Variants in RELL1 observed in about 807,000 individuals in gnomAD.
RELL1 encodes the protein RELT-like protein 1.
A neutral mutation model predicts 23.0 loss-of-function variants in RELL1; 10 were observed. The observed-to-expected ratio is 0.43, with a 90% CI of 0.27 to 0.74. RELL1 has a LOEUF of 0.74. RELL1 is among the 30% of genes least tolerant of loss of function. The pLI is 0.19. For synonymous variants in RELL1, 146 were observed against 146.8 expected, an observed-to-expected ratio of 0.99 and a Z score of 0.04; for missense variants, 315 against 364.4, an observed-to-expected ratio of 0.86 and a Z score of 1.10.
intron 6 of RELL1, among the ~76,000 whole-genome samples, chr4:37,598,078 AATATAT>A (rs138367525): frequency 2.4e-5 from 3 of 126,740 alleles, no homozygotes; most frequent in African/African-American, 5.8e-5. Context: ...TATATATCAT[AATATAT>A]ATATATATAT....
chr4:37,610,054 A>T (rs1719327840), downstream of RELL1, among the ~76,000 whole-genome samples: 2 of 152,188 alleles, frequency 1.3e-5, no homozygotes, highest in African/African-American at 4.8e-5. The surrounding 1 kb of genome is among the most constrained non-coding windows in gnomAD (Gnocchi z 4.1). Context: ...TGCTATAGAG[A>T]AAACTTTCAT....
chr4:37,590,155 G>T, downstream of RELL1: 1 of 1,614,206 alleles, frequency 6.2e-7, no homozygotes, highest in Non-Finnish European at 8.5e-7. Flanking sequence ...CTGCAAGCTA[G>T]ATGAAGACGA....
At chr4:37,669,827 C>G (rs371910333) in intron 1 of RELL1, among the ~76,000 whole-genome samples, 3 of 151,566 alleles carry the variant, frequency 2.0e-5, no homozygotes, top group Admixed American at 1.3e-4. Flanking sequence ...GTTAAACAGA[C>G]GCTTGAAGGC....
chr4:37,649,548 G>C, intron 1 of RELL1, 48 bp from the exon 2 acceptor site: 1 of 1,518,020 alleles, frequency 6.6e-7, no homozygotes, highest in Non-Finnish European at 9.1e-7. Context: ...TCCAGGGCAA[G>C]AAAAACCTAA....
At chr4:37,608,226 G>C (rs1719281443), downstream of RELL1, among the ~76,000 whole-genome samples, 1 of 152,086 alleles carries the variant, frequency 6.6e-6, no homozygotes, top group South Asian at 2.1e-4. Flanking sequence ...GCTTCTCACT[G>C]CTCAAGTGAA....
In RELL1 at chr4:37,634,627, T is replaced by C. The variant is rs141858327; in HGVS notation, c.680+260A>G. ...TATAAATGTCTATTCTGTATACAGT[T>C]GAAAATCTGGGCTTTATCTGTTAGA... On this transcript the variant is annotated intron_variant, in intron 5 of 6. Transcript: ENST00000454158. Among the ~76,000 whole-genome samples the C allele has an allele frequency of 2.7e-3, 407 of 152,332 alleles. 7 individuals carry two copies. Among genetic ancestry groups the C allele is most frequent in the South Asian group, 0.021 (102 of 4,830 alleles).
At chr4:37,645,784 C>A (rs1240935614) in intron 3 of RELL1, among the ~76,000 whole-genome samples, 1 of 152,220 alleles carries the variant, frequency 6.6e-6, no homozygotes, top group Non-Finnish European at 1.5e-5. Context: ...ATATAAAGCA[C>A]CCAGATCTAT....
chr4:37,669,360 G>T (rs1198998626), intron 1 of RELL1, among the ~76,000 whole-genome samples: 1 of 142,730 alleles, frequency 7.0e-6, no homozygotes. Context: ...GGAGGGAGGT[G>T]GGGGGGTCAG....
intron 1 of RELL1, among the ~76,000 whole-genome samples, chr4:37,675,342 C>T (rs1443175077): frequency 6.6e-6 from 1 of 152,204 alleles, no homozygotes; most frequent in Non-Finnish European, 1.5e-5. Flanking sequence ...GAACACACAC[C>T]TCACGTTGAC....
At position 37,624,590 on chromosome 4, in the gene RELL1, A is replaced by ATT. The variant is rs979317027; in HGVS notation, c.*3+6793_*3+6794dup. Among the ~76,000 whole-genome samples the ATT allele has an allele frequency of 7.6e-5, 11 of 145,640 alleles. No individual in the cohort carries two copies. In the East Asian group the frequency reaches 1.8e-3, roughly 24 times the overall value. ...AGGCACCCGCCACCACGCCCGGCTAATTTTTTTTTTTGTATTTTTTAGTAG... is the reference window on the plus strand; with the variant it reads ...AGGCACCCGCCACCACGCCCGGCTAATTTTTTTTTTTTTGTATTTTTTAGTAG... On this transcript the variant is annotated intron_variant, in intron 6 of 6. Transcript: ENST00000454158.
downstream of RELL1, chr4:37,590,123 G>T: frequency 6.2e-7 from 1 of 1,614,070 alleles, no homozygotes; most frequent in East Asian, 2.2e-5. Flanking sequence ...CCCTCTCCTG[G>T]CTATGTCAAT....
chr4:37,605,793 G>GAGAGAGAGAGAGAGAAAGAAAGAA (rs1269670059), downstream of RELL1, among the ~76,000 whole-genome samples: 1 of 90,304 alleles, frequency 1.1e-5, no homozygotes, highest in African/African-American at 3.9e-5. Context: ...GAGAAAGAAA[G>GAGAGAGAGAGAGAGAAAGAAAGAA]AGAAAGAAAG....
intron 1 of RELL1, among the ~76,000 whole-genome samples, chr4:37,650,026 T>A (rs1013556357): frequency 2.0e-5 from 3 of 152,214 alleles, no homozygotes; most frequent in Non-Finnish European, 4.4e-5. Flanking sequence ...TGGTTTCTTA[T>A]GAAATGGGCA....
intron 6 of RELL1, among the ~76,000 whole-genome samples, chr4:37,627,941 G>A (rs753767324): frequency 6.6e-6 from 1 of 152,092 alleles, no homozygotes; most frequent in Non-Finnish European, 1.5e-5. Context: ...GCTTCGTCTA[G>A]AACCAGAGAG....
intron 6 of RELL1, among the ~76,000 whole-genome samples, chr4:37,593,223 G>C (rs898593752): frequency 1.3e-5 from 2 of 152,160 alleles, no homozygotes; most frequent in Non-Finnish European, 2.9e-5. Flanking sequence ...ATTATGTTCA[G>C]TTGTATGGGA....
At chr4:37,594,398 G>A (rs545098389) in intron 6 of RELL1, among the ~76,000 whole-genome samples, 1 of 152,286 alleles carries the variant, frequency 6.6e-6, no homozygotes, top group Admixed American at 6.5e-5. Context: ...CTGATTGGAA[G>A]GCACTAACTG....
intron 5 of RELL1, among the ~76,000 whole-genome samples, chr4:37,634,589 T>A (rs1577578322): frequency 6.6e-6 from 1 of 152,238 alleles, no homozygotes; most frequent in East Asian, 1.9e-4. Context: ...TGCCCTGGAT[T>A]CCATAAGTGA....
chr4:37,686,305 C>G lies in RELL1; in HGVS notation c.-18G>C, dbSNP rs747684727. On this transcript the variant is annotated 5_prime_UTR_variant, in exon 1 of 7. Coordinates refer to ENST00000454158, the MANE Select transcript of RELL1 (RefSeq NM_001085400.2). ...GGAGCCATCGCCGCGTCGCTTCGCCCTCCTCCCCCAGGGCGCCGCGTCCCG... is the reference window on the plus strand; with the variant it reads ...GGAGCCATCGCCGCGTCGCTTCGCCGTCCTCCCCCAGGGCGCCGCGTCCCG... The G allele has an allele frequency of 6.7e-7, 1 of 1,493,476 alleles. No homozygotes were observed. The highest frequency in any genetic ancestry group is 1.3e-5 in the South Asian group (1 of 79,472). The allele number at this position is 1,493,476 out of a possible 1,614,324, so 92.5% of individuals were successfully genotyped here.
chr4:37,597,542 TAAATC>T (rs1218395340), intron 6 of RELL1, among the ~76,000 whole-genome samples: 2 of 152,220 alleles, frequency 1.3e-5, no homozygotes, highest in African/African-American at 4.8e-5. Flanking sequence ...AGAATTTACA[TAAATC>T]AGGAAGAGTT....
Sources: allele counts gnomAD v4.1 joint callset (sites outside exome capture counted in the v4.1 genomes callset), GRCh38; gene constraint gnomAD v4.1.1; non-coding constraint Gnocchi (gnomAD v3.1); transcripts MANE v1.5; gene names NCBI Gene and HGNC (gene_info 2026-07-23, HGNC 2026-07-21).